The following RORA variants were observed in gnomAD, a reference collection of about 807,000 sequenced individuals.
RORA encodes the protein RAR related orphan receptor A.
A neutral mutation model predicts 69.5 loss-of-function variants in RORA; 7 were observed. The observed-to-expected ratio is 0.10, with a 90% confidence interval of 0.06 to 0.19. The LOEUF (loss-of-function observed/expected upper bound fraction) is 0.19. Ranked by LOEUF, RORA falls within the 10% of genes least tolerant of loss-of-function variation. The pLI is 1.00. For missense variants in RORA, 457 were observed against 663.0 expected, an observed-to-expected ratio of 0.69 and a Z score of 3.41; for synonymous variants, 261 against 240.8, an observed-to-expected ratio of 1.08 and a Z score of -0.78.
chr15:60,670,649 A>G (rs1268538964), intron 2 of RORA, among the ~76,000 whole-genome samples: 2 of 152,192 alleles, frequency 1.3e-5, no homozygotes, highest in African/African-American at 2.4e-5. Flanking sequence ...ATGTTTTCCC[A>G]GAAGTGGAAG....
At chr15:61,007,717 C>A (rs565693537) in intron 1 of RORA, among the ~76,000 whole-genome samples, 1 of 147,600 alleles carries the variant, frequency 6.8e-6, no homozygotes, top group African/African-American at 2.5e-5. Flanking sequence ...GTTATATAGG[C>A]TAATATTATA....
At chr15:60,776,683 G>T (rs2072172263) in intron 1 of RORA, among the ~76,000 whole-genome samples, 1 of 152,194 alleles carries the variant, frequency 6.6e-6, no homozygotes, top group African/African-American at 2.4e-5. Flanking sequence ...CAGGGTTTGG[G>T]GTCCAGGTCT....
intron 1 of RORA, among the ~76,000 whole-genome samples, chr15:61,067,976 T>C (rs2078288650): frequency 6.6e-6 from 1 of 152,226 alleles, no homozygotes; most frequent in South Asian, 2.1e-4. Flanking sequence ...GGGTCAGAGA[T>C]ATGCTTTTGG....
intron 1 of RORA, among the ~76,000 whole-genome samples, chr15:61,216,296 G>A (rs1233103648): frequency 1.3e-5 from 2 of 152,128 alleles, no homozygotes; most frequent in African/African-American, 2.4e-5. Context: ...TCTTTCTCAC[G>A]CTGTTCTCTC....
At chr15:61,179,235 G>C (rs373399648) in intron 1 of RORA, among the ~76,000 whole-genome samples, 5 of 152,160 alleles carry the variant, frequency 3.3e-5, no homozygotes, top group Non-Finnish European at 5.9e-5. Flanking sequence ...CTCTTCCAAG[G>C]AAACCCATGA....
intron 1 of RORA, among the ~76,000 whole-genome samples, chr15:60,907,314 A>G (rs539078337): frequency 2.4e-4 from 36 of 152,140 alleles, no homozygotes; most frequent in Admixed American, 1.4e-3. Context: ...GTCTCTCTAA[A>G]TGTCTCTCAT....
At chr15:60,838,289 TG>T (rs1348059977) in intron 1 of RORA, among the ~76,000 whole-genome samples, 1 of 152,228 alleles carries the variant, frequency 6.6e-6, no homozygotes, top group East Asian at 1.9e-4. Flanking sequence ...AGACATGGCC[TG>T]GGCTGGGGAT....
chr15:60,527,395 C>G (rs936708053), intron 3 of RORA, among the ~76,000 whole-genome samples: 1 of 152,230 alleles, frequency 6.6e-6, no homozygotes, highest in African/African-American at 2.4e-5. Flanking sequence ...CCTAACACTT[C>G]ATATTTTTAT....
chr15:60,728,993 T>C (rs1169807643), intron 1 of RORA, among the ~76,000 whole-genome samples: 1 of 152,256 alleles, frequency 6.6e-6, no homozygotes, highest in African/African-American at 2.4e-5. Flanking sequence ...TACGTTGTTA[T>C]ATCCATAGGC....
At chr15:60,896,767 G>T (rs569540603) in intron 1 of RORA, among the ~76,000 whole-genome samples, 58 of 144,782 alleles carry the variant, frequency 4.0e-4, no homozygotes, top group Non-Finnish European at 7.6e-4. Context: ...CATAGCCAAG[G>T]GAATTTAGGG....
intron 2 of RORA, among the ~76,000 whole-genome samples, chr15:60,629,187 CTTTTTT>C (rs34687322): frequency 1.8e-5 from 2 of 112,030 alleles, no homozygotes; most frequent in African/African-American, 3.7e-5. Flanking sequence ...ACTGTTTATT[CTTTTTT>C]TTTTTTTTTT....
intron 1 of RORA, among the ~76,000 whole-genome samples, chr15:61,082,100 G>T (rs1034059129): frequency 6.6e-6 from 1 of 152,162 alleles, no homozygotes; most frequent in Non-Finnish European, 1.5e-5. Flanking sequence ...GTACTTCTTA[G>T]TAGTGACAGG....
At chr15:61,014,071 C>T (rs1350826976) in intron 1 of RORA, among the ~76,000 whole-genome samples, 1 of 152,064 alleles carries the variant, frequency 6.6e-6, no homozygotes, top group Admixed American at 6.5e-5. Context: ...GCGTGAGCCA[C>T]CGCACCCGGC....
At chr15:60,978,036 A>AGAGG (rs1302325388) in intron 1 of RORA, among the ~76,000 whole-genome samples, 3,688 of 152,238 alleles carry the variant, frequency 0.024, 162 homozygotes, top group African/African-American at 0.086. Flanking sequence ...GTACTGCCAA[A>AGAGG]CTGTTTTCCA....
intron 1 of RORA, among the ~76,000 whole-genome samples, chr15:61,025,053 C>T (rs759964938): frequency 6.6e-5 from 10 of 152,046 alleles, no homozygotes; most frequent in Non-Finnish European, 1.2e-4. Flanking sequence ...TTAAGATCTC[C>T]GAAGTTTTAG....
intron 1 of RORA, among the ~76,000 whole-genome samples, chr15:61,187,370 G>T (rs1340061169): frequency 6.6e-6 from 1 of 152,198 alleles, no homozygotes; most frequent in African/African-American, 2.4e-5. Context: ...ACTATTAATG[G>T]CATGACAAAG....
intron 2 of RORA, among the ~76,000 whole-genome samples, chr15:60,565,064 C>T (rs1053547628): frequency 9.2e-5 from 14 of 152,072 alleles, no homozygotes; most frequent in African/African-American, 1.9e-4. Context: ...TCTCTAAAGT[C>T]GTCCATCAGA....
Position 61,106,383 on chromosome 15 carries a change from A to C in RORA, c.166+122670T>G, listed in dbSNP as rs1261422840. On this transcript the variant is annotated intron_variant, in intron 1 of 10. Coordinates refer to ENST00000335670, the MANE Select transcript of RORA (RefSeq NM_134261.3). The stretch of plus-strand genomic sequence containing the variant: ...TAAGTTCAGAGGAGAAAAAGCAATC[A>C]AAATAATTACTCATTCATTTAATAA... Among the ~76,000 whole-genome samples the C allele has an allele frequency of 2.0e-5, 3 of 152,326 alleles. No individual in the cohort carries two copies. In the East Asian group the frequency reaches 5.8e-4, roughly 29 times the overall value.
intron 1 of RORA, among the ~76,000 whole-genome samples, chr15:61,196,582 T>C (rs1284634711): frequency 6.6e-6 from 1 of 152,274 alleles, no homozygotes; most frequent in African/African-American, 2.4e-5. Flanking sequence ...CTTTCCCTGC[T>C]AGCAGCTTTG....
Sources: gnomAD v4.1 joint callset for allele counts (sites outside exome capture counted in the v4.1 genomes callset) on GRCh38, gnomAD v4.1.1 for gene constraint, MANE v1.5 for transcripts, NCBI Gene and HGNC (gene_info 2026-07-23, HGNC 2026-07-21) for gene names.